MGAT4C: variants seen among roughly 807,000 people sequenced by gnomAD.
MGAT4C encodes alpha-1,3-mannosyl-glycoprotein 4-beta-N-acetylglucosaminyltransferase C.
In MGAT4C, 19 loss-of-function variants were observed where a neutral mutation model predicts 40.1. The observed-to-expected ratio is 0.47, with a 90% confidence interval of 0.33 to 0.70. MGAT4C has a LOEUF of 0.70. MGAT4C is among the 30% of genes least tolerant of loss of function. The probability of loss-of-function intolerance (pLI) is 0.02; values close to 1 mark genes in which losing one functional copy is unlikely to be tolerated. For synonymous variants in MGAT4C, 181 were observed against 187.1 expected, an observed-to-expected ratio of 0.97 and a Z score of 0.27; for missense variants, 491 against 563.2, an observed-to-expected ratio of 0.87 and a Z score of 1.30.
intron 2 of MGAT4C, among the ~76,000 whole-genome samples, chr12:86,474,183 A>G (rs907758083): frequency 1.3e-5 from 2 of 151,874 alleles, no homozygotes; most frequent in African/African-American, 4.8e-5. Flanking sequence ...ATGGAATACT[A>G]TGCAGCCATA....
chr12:86,423,544 T>C (rs1956871632), intron 3 of MGAT4C, among the ~76,000 whole-genome samples: 1 of 152,144 alleles, frequency 6.6e-6, no homozygotes, highest in Non-Finnish European at 1.5e-5. Context: ...TGTATGCATG[T>C]ATAGCACATG....
Position 85,979,576 on chromosome 12 carries a change from C to T in MGAT4C, c.1150G>A (p.Glu384Lys). The T allele has an allele frequency of 6.2e-7, 1 of 1,607,118 alleles. No homozygotes were observed. Among genetic ancestry groups the T allele is most frequent in the South Asian group, 1.1e-5 (1 of 90,444 alleles). Reference sequence around the variant, plus strand: ...ATTTTTTTTATTATAATTGGATTTTCAAATACAATCACAAAAACATCTCCT... The same window carrying T: ...ATTTTTTTTATTATAATTGGATTTTTAAATACAATCACAAAAACATCTCCT... ...STGDVFVIVF[E>K]NPIIIKKIKV... Residue 384 changes from glutamate (E) to lysine (K), a missense_variant, in exon 5 of 5, where the codon GAA becomes AAA. Coordinates refer to ENST00000611864, the MANE Select transcript of MGAT4C (RefSeq NM_001351288.2).
intron 3 of MGAT4C, among the ~76,000 whole-genome samples, chr12:86,364,203 G>A (rs2405926): frequency 0.73 from 111,304 of 151,826 alleles, 40,996 homozygotes; most frequent in East Asian, 0.91. Flanking sequence ...ACATTTGTCA[G>A]TTTATTCCCT....
chr12:86,189,960 C>T (rs895606872), intron 1 of MGAT4C, among the ~76,000 whole-genome samples: 2 of 151,986 alleles, frequency 1.3e-5, no homozygotes, highest in African/African-American at 4.8e-5. Flanking sequence ...TTAACTAGTA[C>T]TTTAAATGCC....
chr12:86,506,562 T>C (rs1474923739), intron 2 of MGAT4C, among the ~76,000 whole-genome samples: 2 of 152,202 alleles, frequency 1.3e-5, no homozygotes, highest in Non-Finnish European at 2.9e-5. Flanking sequence ...CTTACACTGT[T>C]ATTCATTGAA....
intron 1 of MGAT4C, among the ~76,000 whole-genome samples, chr12:86,831,672 G>C (rs1952930757): frequency 6.6e-6 from 1 of 151,708 alleles, no homozygotes; most frequent in Non-Finnish European, 1.5e-5. Context: ...ATTTTGCTTT[G>C]GTATTGTTCT....
chr12:86,604,946 A>T (rs1338263439), intron 2 of MGAT4C, among the ~76,000 whole-genome samples: 2 of 152,138 alleles, frequency 1.3e-5, no homozygotes, highest in Non-Finnish European at 2.9e-5. Context: ...TGACTGGGGC[A>T]GAAGAATTCT....
chr12:86,530,122 A>T (rs944832099), intron 2 of MGAT4C, among the ~76,000 whole-genome samples: 9 of 152,110 alleles, frequency 5.9e-5, no homozygotes, highest in Admixed American at 4.6e-4. Flanking sequence ...GAATGTATTA[A>T]CTTATATAGC....
intron 1 of MGAT4C, among the ~76,000 whole-genome samples, chr12:86,133,293 C>T (rs549418157): frequency 6.6e-6 from 1 of 152,314 alleles, no homozygotes; most frequent in South Asian, 2.1e-4. Flanking sequence ...GAAACAAATA[C>T]TTAAGCATTG....
At chr12:86,614,867 A>C (rs1962400947) in intron 2 of MGAT4C, among the ~76,000 whole-genome samples, 1 of 151,956 alleles carries the variant, frequency 6.6e-6, no homozygotes, top group Admixed American at 6.6e-5. Flanking sequence ...CTTTTCTTAG[A>C]AAATTTCCCC....
At chr12:86,079,785 A>G (rs1405681694) in intron 1 of MGAT4C, among the ~76,000 whole-genome samples, 1 of 151,658 alleles carries the variant, frequency 6.6e-6, no homozygotes, top group African/African-American at 2.4e-5. Flanking sequence ...TTATATATAC[A>G]AATACAAACA....
At chr12:86,733,242 T>C (rs1355936462) in intron 1 of MGAT4C, among the ~76,000 whole-genome samples, 1 of 152,100 alleles carries the variant, frequency 6.6e-6, no homozygotes, top group Non-Finnish European at 1.5e-5. Context: ...ACAGAACAGT[T>C]TGGAATTCTA....
intron 1 of MGAT4C, among the ~76,000 whole-genome samples, chr12:86,065,884 C>G (rs956223188): frequency 1.3e-5 from 2 of 152,092 alleles, no homozygotes; most frequent in African/African-American, 4.8e-5. Flanking sequence ...AGTCAATGTG[C>G]AAAAATTACA....
intron 1 of MGAT4C, among the ~76,000 whole-genome samples, chr12:86,123,529 G>A (rs895179362): frequency 6.6e-6 from 1 of 151,952 alleles, no homozygotes. Flanking sequence ...TTGCTATACT[G>A]GAGGATTGTT....
At chr12:86,086,032 A>G (rs1279228757) in intron 1 of MGAT4C, among the ~76,000 whole-genome samples, 1 of 152,134 alleles carries the variant, frequency 6.6e-6, no homozygotes, top group Non-Finnish European at 1.5e-5. Context: ...CAGCAATTCC[A>G]TTACTGGGTA....
intron 2 of MGAT4C, among the ~76,000 whole-genome samples, chr12:86,546,203 T>C (rs1405367891): frequency 6.6e-6 from 1 of 151,946 alleles, no homozygotes; most frequent in Non-Finnish European, 1.5e-5. Flanking sequence ...TATTCTTTCA[T>C]ATTGTAGTAT....
At chr12:86,208,361 G>A (rs868462547) in intron 1 of MGAT4C, among the ~76,000 whole-genome samples, 1 of 152,194 alleles carries the variant, frequency 6.6e-6, no homozygotes, top group Non-Finnish European at 1.5e-5. Flanking sequence ...CAGCTACTCA[G>A]GCGGCTGAGT....
At chr12:86,660,402 G>A (rs574991284) in intron 2 of MGAT4C, among the ~76,000 whole-genome samples, 1 of 152,196 alleles carries the variant, frequency 6.6e-6, no homozygotes, top group African/African-American at 2.4e-5. Flanking sequence ...GAGATTTTCA[G>A]GGAATGAAGT....
chr12:86,474,170 A>C (rs1957795979), intron 2 of MGAT4C, among the ~76,000 whole-genome samples: 1 of 151,820 alleles, frequency 6.6e-6, no homozygotes, highest in Non-Finnish European at 1.5e-5. Flanking sequence ...GCACATATAC[A>C]CCATGGAATA....
Sources: allele counts gnomAD v4.1 joint callset (sites outside exome capture counted in the v4.1 genomes callset), GRCh38; gene constraint gnomAD v4.1.1; transcripts MANE v1.5; gene names NCBI Gene and HGNC (gene_info 2026-07-23, HGNC 2026-07-21).